Variants in MOCS3 observed in about 807,000 individuals in gnomAD.
MOCS3 encodes the protein adenylyltransferase and sulfurtransferase MOCS3.
In MOCS3, 9 loss-of-function variants were observed where a neutral mutation model predicts 8.4. That is an observed-to-expected ratio of 1.07 (90% CI 0.65 to 1.87). The LOEUF is 1.87. Ranked by LOEUF, MOCS3 falls within the 40% of genes most tolerant of loss-of-function variation. The probability of loss-of-function intolerance (pLI) is 0.00; values close to 1 mark genes in which losing one functional copy is unlikely to be tolerated. For missense variants in MOCS3, 581 were observed against 599.7 expected (o/e 0.97, Z 0.33); for synonymous variants, 294 against 272.0 (o/e 1.08, Z -0.80).
chr20:50,959,040 G>A lies in MOCS3; in HGVS notation c.198G>A (p.Gln66=), dbSNP rs1987007170. Reference sequence around the variant, plus strand: ...ATGAGATTCTGCGCTATAGCCGGCAGCTAGTGCTGCCCGAGCTGGGCGTGC... The same window carrying A: ...ATGAGATTCTGCGCTATAGCCGGCAACTAGTGCTGCCCGAGCTGGGCGTGC... ...SRDEILRYSR[Q]LVLPELGVHG... is the part of the protein sequence containing the mutation. The change falls in exon 1 of 1, where the codon CAG becomes CAA. Residue 66 remains glutamine (Q), a synonymous_variant. Coordinates refer to ENST00000244051, the MANE Select transcript of MOCS3 (RefSeq NM_014484.5). The A allele has an allele frequency of 6.2e-7, 1 of 1,612,780 alleles. No homozygotes were observed. The highest frequency in any genetic ancestry group is 8.5e-7 in the Non-Finnish European group (1 of 1,179,746).
Position 50,959,472 on chromosome 20 carries a change from C to T in MOCS3, c.630C>T (p.Gly210=), listed in dbSNP as rs1987029837. 1.2e-6 allele frequency: 2 copies of T among 1,613,944 alleles called. No homozygotes were observed. The highest frequency in any genetic ancestry group is 1.1e-5 in the South Asian group (1 of 91,092). ...CTGCCAGTGCCTTGCGCTTCGAGGG[C>T]CAAATCACAGTCTACCATTATGACG... ...LVSASALRFE[G]QITVYHYDGG... The change falls in exon 1 of 1, where the codon GGC becomes GGT. Residue 210 remains glycine (G), a synonymous_variant. Transcript: ENST00000244051.
chr20:50,959,392 C>G lies in MOCS3; in HGVS notation c.550C>G (p.Pro184Ala). The change falls in exon 1 of 1, where the codon CCC becomes GCC. Residue 184 changes from proline (P) to alanine (A), a missense_variant. Coordinates refer to ENST00000244051, the MANE Select transcript of MOCS3 (RefSeq NM_014484.5). ...DVVADCSDNV[P>A]TRYLVNDACV... Reference sequence around the variant, plus strand: ...GGTGGCTGACTGCTCGGACAACGTGCCCACTCGCTACCTGGTTAATGACGC... The same window carrying G: ...GGTGGCTGACTGCTCGGACAACGTGGCCACTCGCTACCTGGTTAATGACGC... The G allele has an allele frequency of 6.2e-7, 1 of 1,613,290 alleles. No individual in the cohort carries two copies. Among genetic ancestry groups the G allele is most frequent in the South Asian group, 1.1e-5 (1 of 91,080 alleles).
chr20:50,962,525 G>A lies in MOCS3; in HGVS notation c.*2300G>A, dbSNP rs1433808008. ...TAACAGATACCCAGTACACAACCCA[G>A]ATCTATTTCAGTATTTGTTTTTTGT... On this transcript the variant is annotated 3_prime_UTR_variant, in exon 1 of 1. Transcript: ENST00000244051. 6.6e-6 allele frequency: 1 copy of A among 152,198 alleles called. No homozygotes were observed. Among genetic ancestry groups the A allele is most frequent in the Non-Finnish European group, 1.5e-5 (1 of 68,048 alleles). The allele number at this position is 152,198 out of a possible 1,614,324, so 9.4% of individuals were successfully genotyped here. A position where few individuals can be genotyped will look rare whatever the true frequency, so the allele number is the denominator to read the frequency against.
Position 50,959,554 on chromosome 20 carries a change from A to G in MOCS3, c.712A>G (p.Asn238Asp), listed in dbSNP as rs541890351. The G allele has an allele frequency of 1.2e-6, 2 of 1,613,996 alleles. No individual in the cohort carries two copies. The highest frequency in any genetic ancestry group is 2.7e-5 in the African/African-American group (2 of 75,010). The change falls in exon 1 of 1, where the codon AAC becomes GAC. Residue 238 changes from asparagine to aspartate, a missense_variant. Asn to Asp is a conservative substitution (Grantham distance 23). Transcript: ENST00000244051. Reference protein sequence around the residue: ...PQPPPAETVTNCADGGVLGVV... With the variant: ...PQPPPAETVTDCADGGVLGVV... Reference sequence around the variant, plus strand: ...ACCACCCCCAGCGGAGACAGTGACCAACTGCGCGGACGGCGGGGTGCTCGG... The same window carrying G: ...ACCACCCCCAGCGGAGACAGTGACCGACTGCGCGGACGGCGGGGTGCTCGG...
chr20:50,961,511 T>C lies in MOCS3; in HGVS notation c.*1286T>C, dbSNP rs1367320846. On this transcript the variant is annotated 3_prime_UTR_variant, in exon 1 of 1. Coordinates refer to ENST00000244051, the MANE Select transcript of MOCS3 (RefSeq NM_014484.5). ...TAATCATCAATTGCTGCTGTTGTTTTTTTAAGAATGGCAGAAATCACAGAT... is the reference window on the plus strand; with the variant it reads ...TAATCATCAATTGCTGCTGTTGTTTCTTTAAGAATGGCAGAAATCACAGAT... 6.6e-6 allele frequency: 1 copy of C among 152,234 alleles called. No homozygotes were observed. Among genetic ancestry groups the C allele is most frequent in the African/African-American group, 2.4e-5 (1 of 41,444 alleles). The allele number at this position is 152,234 out of a possible 1,614,324, so 9.4% of individuals were successfully genotyped here.
chr20:50,960,481 C>A lies in MOCS3; in HGVS notation c.*256C>A. ...GATGTCTTGGACATGTGAGATGTAA[C>A]GTGACAGGATTTTGCATTTTAAACT... is the stretch of plus-strand genomic sequence containing the variant. On this transcript the variant is annotated 3_prime_UTR_variant, in exon 1 of 1. Transcript: ENST00000244051. 2.7e-6 allele frequency: 1 copy of A among 371,198 alleles called. No individual in the cohort carries two copies. Among genetic ancestry groups the A allele is most frequent in the East Asian group, 4.4e-5 (1 of 22,604 alleles). The allele number at this position is 371,198 out of a possible 1,614,324, so 23.0% of individuals were successfully genotyped here. A position where few individuals can be genotyped will look rare whatever the true frequency, so the allele number is the denominator to read the frequency against.
Position 50,959,098 on chromosome 20 carries a change from C to A in MOCS3, c.256C>A (p.Leu86Ile). The A allele has an allele frequency of 6.2e-7, 1 of 1,613,180 alleles. No homozygotes were observed. Among genetic ancestry groups the A allele is most frequent in the Non-Finnish European group, 8.5e-7 (1 of 1,179,898 alleles). The change falls in exon 1 of 1, where the codon CTA becomes ATA. Residue 86 changes from leucine (L) to isoleucine (I), a missense_variant. Leu to Ile is a conservative substitution (Grantham distance 5, BLOSUM62 2). Coordinates refer to ENST00000244051, the MANE Select transcript of MOCS3 (RefSeq NM_014484.5). ...GQLRLGTACV[L>I]IVGCGGLGCP... ...GCTGCGCCTGGGGACCGCGTGCGTG[C>A]TAATCGTGGGCTGCGGTGGGCTCGG...
chr20:50,960,153 A>C lies in MOCS3; in HGVS notation c.1311A>C (p.Leu437Phe). The C allele has an allele frequency of 6.2e-7, 1 of 1,614,188 alleles. No individual in the cohort carries two copies. Among genetic ancestry groups the C allele is most frequent in the Non-Finnish European group, 8.5e-7 (1 of 1,180,030 alleles). The change falls in exon 1 of 1, where the codon TTA becomes TTC. Residue 437 changes from leucine to phenylalanine, a missense_variant. Physicochemically the swap from Leu to Phe is conservative, Grantham distance 22. Transcript: ENST00000244051. Reference sequence around the variant, plus strand: ...CAGCAGCTCAAGAGTTAGACCCTTTAACAGTTCGGGATGTTGTGGGGGGCC... The same window carrying C: ...CAGCAGCTCAAGAGTTAGACCCTTTCACAGTTCGGGATGTTGTGGGGGGCC... ...SLSAAQELDP[L>F]TVRDVVGGLM...
chr20:50,962,029 G>A lies in MOCS3; in HGVS notation c.*1804G>A, dbSNP rs1321393757. The A allele has an allele frequency of 6.6e-6, 1 of 152,256 alleles. No individual in the cohort carries two copies. The highest frequency in any genetic ancestry group is 1.5e-5 in the Non-Finnish European group (1 of 68,052). 9.4% of individuals were successfully genotyped at this position (152,256 alleles called of 1,614,324 possible). On this transcript the variant is annotated 3_prime_UTR_variant, in exon 1 of 1. Coordinates refer to ENST00000244051, the MANE Select transcript of MOCS3 (RefSeq NM_014484.5). ...ATAAACCTGGTTGTCACAGGGGACAGGCAAGAGAAGCTGACTAGCTAAGTG... is the reference window on the plus strand; with the variant it reads ...ATAAACCTGGTTGTCACAGGGGACAAGCAAGAGAAGCTGACTAGCTAAGTG...
chr20:50,960,150 T>C lies in MOCS3; in HGVS notation c.1308T>C (p.Pro436=). The C allele has an allele frequency of 6.2e-7, 1 of 1,614,212 alleles. No individual in the cohort carries two copies. The highest frequency in any genetic ancestry group is 8.5e-7 in the Non-Finnish European group (1 of 1,180,036). ...TATCAGCAGCTCAAGAGTTAGACCC[T>C]TTAACAGTTCGGGATGTTGTGGGGG... ...QSLSAAQELD[P]LTVRDVVGGL... is the part of the protein sequence containing the mutation. Residue 436 remains proline, a synonymous_variant, in exon 1 of 1, where the codon CCT becomes CCC. Transcript: ENST00000244051.
Position 50,959,344 on chromosome 20 carries a change from G to C in MOCS3, c.502G>C (p.Asp168His). The C allele has an allele frequency of 6.2e-7, 1 of 1,611,072 alleles. No individual in the cohort carries two copies. The highest frequency in any genetic ancestry group is 8.5e-7 in the Non-Finnish European group (1 of 1,178,684). The part of the protein sequence containing the change: ...TQALTPATAL[D>H]LVRRYDVVAD... ...GGCCCTTACGCCAGCCACTGCCCTA[G>C]ACCTGGTCCGCCGATATGATGTGGT... Residue 168 changes from aspartate to histidine, a missense_variant, in exon 1 of 1, where the codon GAC becomes CAC. Transcript: ENST00000244051.
Position 50,962,558 on chromosome 20 carries a change from G to T in MOCS3, c.*2333G>T, listed in dbSNP as rs1160104459. The T allele has an allele frequency of 1.3e-5, 2 of 152,222 alleles. No individual in the cohort carries two copies. The highest frequency in any genetic ancestry group is 4.8e-5 in the African/African-American group (2 of 41,456). 9.4% of individuals were successfully genotyped at this position (152,222 alleles called of 1,614,324 possible). On this transcript the variant is annotated 3_prime_UTR_variant, in exon 1 of 1. Transcript: ENST00000244051. The stretch of plus-strand genomic sequence containing the variant: ...TCAGTATTTGTTTTTTGTTGTTGTT[G>T]TTTTGGAGACAGAGTCTCGCTCTAT...
chr20:50,960,282 C>A lies in MOCS3; in HGVS notation c.*57C>A. On this transcript the variant is annotated 3_prime_UTR_variant, in exon 1 of 1. Transcript: ENST00000244051. ...GGATTGCCATAATACCTCAAAGATA[C>A]ACTTGTTTGCATTTTTCGGTAATAT... 1 of 1,508,186 alleles carries A rather than the reference C, an allele frequency of 6.6e-7. No individual in the cohort carries two copies. 93.4% of individuals were successfully genotyped at this position (1,508,186 alleles called of 1,614,324 possible). A position where few individuals can be genotyped will look rare whatever the true frequency, so the allele number is the denominator to read the frequency against.
At position 50,959,765 on chromosome 20, in the gene MOCS3, A is replaced by T; in HGVS notation, c.923A>T (p.Asp308Val). 6.2e-7 allele frequency: 1 copy of T among 1,614,204 alleles called. No homozygotes were observed. The highest frequency in any genetic ancestry group is 8.5e-7 in the Non-Finnish European group (1 of 1,180,028). ...TGCGGGGAACGGCCCACTGTGACTG[A>T]TCTGCTGGACTATGAAGCCTTCTGT... ...AACGERPTVT[D>V]LLDYEAFCGS... Residue 308 changes from aspartate to valine, a missense_variant, in exon 1 of 1, where the codon GAT (aspartate) becomes GTT (valine). Asp to Val is a radical substitution (Grantham distance 152). Transcript: ENST00000244051.
Position 50,959,535 on chromosome 20 carries a change from C to A in MOCS3, c.693C>A (p.Pro231=), listed in dbSNP as rs761956361. 13 of 1,614,174 alleles carry A rather than the reference C, an allele frequency of 8.1e-6. No individual in the cohort carries two copies. Among genetic ancestry groups the A allele is most frequent in the Non-Finnish European group, 1.0e-5 (12 of 1,180,046 alleles). Residue 231 remains proline, a synonymous_variant, in exon 1 of 1, where the codon CCC becomes CCA. Coordinates refer to ENST00000244051, the MANE Select transcript of MOCS3 (RefSeq NM_014484.5). The part of the protein sequence containing the change: ...PCYRCIFPQP[P]PAETVTNCAD... Reference sequence around the variant, plus strand: ...ATCGCTGCATATTCCCCCAACCACCCCCAGCGGAGACAGTGACCAACTGCG... The same window carrying A: ...ATCGCTGCATATTCCCCCAACCACCACCAGCGGAGACAGTGACCAACTGCG...
At position 50,960,062 on chromosome 20, in the gene MOCS3, C is replaced by A; in HGVS notation, c.1220C>A (p.Pro407His). 6.2e-7 allele frequency: 1 copy of A among 1,614,262 alleles called. No homozygotes were observed. Among genetic ancestry groups the A allele is most frequent in the East Asian group, 2.2e-5 (1 of 44,886 alleles). Reference sequence around the variant, plus strand: ...GGCACACAAGAAGGGGCTGCTGTCCCCATTTATGTGATTTGCAAACTGGGA... The same window carrying A: ...GGCACACAAGAAGGGGCTGCTGTCCACATTTATGTGATTTGCAAACTGGGA... Reference protein sequence around the residue: ...KQGTQEGAAVPIYVICKLGND... With the variant: ...KQGTQEGAAVHIYVICKLGND... The change falls in exon 1 of 1, where the codon CCC (proline) becomes CAC (histidine). Residue 407 changes from proline (P) to histidine (H), a missense_variant. By Grantham distance (77) the Pro-to-His change is moderately conservative. Coordinates refer to ENST00000244051, the MANE Select transcript of MOCS3 (RefSeq NM_014484.5).
In MOCS3 at chr20:50,962,579, T is replaced by C. The variant is rs1437927890; in HGVS notation, c.*2354T>C. On this transcript the variant is annotated 3_prime_UTR_variant, in exon 1 of 1. Transcript: ENST00000244051. Reference sequence around the variant, plus strand: ...TGTTGTTTTGGAGACAGAGTCTCGCTCTATCCCCCAGGCTGGATGGAGTGC... The same window carrying C: ...TGTTGTTTTGGAGACAGAGTCTCGCCCTATCCCCCAGGCTGGATGGAGTGC... 6.6e-6 allele frequency: 1 copy of C among 152,350 alleles called. No homozygotes were observed. The highest frequency in any genetic ancestry group is 6.5e-5 in the Admixed American group (1 of 15,284). 9.4% of individuals were successfully genotyped at this position (152,350 alleles called of 1,614,324 possible). A position where few individuals can be genotyped will look rare whatever the true frequency, so the allele number is the denominator to read the frequency against.
chr20:50,959,962 C>A lies in MOCS3; in HGVS notation c.1120C>A (p.Pro374Thr). 1 of 1,614,262 alleles carries A rather than the reference C, an allele frequency of 6.2e-7. No homozygotes were observed. The highest frequency in any genetic ancestry group is 8.5e-7 in the Non-Finnish European group (1 of 1,180,050). ...ICRLPHALHIPLKHLERRDAE... is the reference protein window; with the variant it reads ...ICRLPHALHITLKHLERRDAE... ...TCGTTTGCCTCATGCCCTACACATC[C>A]CTCTGAAACATTTGGAACGCAGGGA... is the stretch of plus-strand genomic sequence containing the variant. The change falls in exon 1 of 1, where the codon CCT (proline) becomes ACT (threonine). Residue 374 changes from proline to threonine, a missense_variant. By Grantham distance (38) the Pro-to-Thr change is conservative. Coordinates refer to ENST00000244051, the MANE Select transcript of MOCS3 (RefSeq NM_014484.5).
Position 50,962,119 on chromosome 20 carries a change from A to C in MOCS3, c.*1894A>C, listed in dbSNP as rs1987114447. On this transcript the variant is annotated 3_prime_UTR_variant, in exon 1 of 1. Transcript: ENST00000244051. The stretch of plus-strand genomic sequence containing the variant: ...ATTTTGGGGACAGATTCAAGGCTGT[A>C]CTTCTAGGAATGATGCCCGAAATCA... 6.6e-6 allele frequency: 1 copy of C among 152,252 alleles called. No homozygotes were observed. Among genetic ancestry groups the C allele is most frequent in the African/African-American group, 2.4e-5 (1 of 41,466 alleles). 9.4% of individuals were successfully genotyped at this position (152,252 alleles called of 1,614,324 possible). A position where few individuals can be genotyped will look rare whatever the true frequency, so the allele number is the denominator to read the frequency against.
Sources: gnomAD v4.1 joint callset for allele counts on GRCh38, gnomAD v4.1.1 for gene constraint, MANE v1.5 for transcripts, NCBI Gene and HGNC (gene_info 2026-07-23, HGNC 2026-07-21) for gene names.